The following NAALADL2 variants were observed in gnomAD, a reference collection of about 807,000 sequenced individuals.
NAALADL2 encodes the protein N-acetylated alpha-linked acidic dipeptidase like 2, also known as inactive N-acetylated-alpha-linked acidic dipeptidase-like protein 2.
A neutral mutation model predicts 87.2 loss-of-function variants in NAALADL2; 76 were observed. That is an observed-to-expected ratio of 0.87 (90% CI 0.72 to 1.05). NAALADL2 has a LOEUF of 1.05. Among genes scored for constraint, NAALADL2 ranks in the 50% least tolerant of loss-of-function variants. NAALADL2 has a pLI of 0.00. For missense variants in NAALADL2, 1,089 were observed against 945.8 expected, an observed-to-expected ratio of 1.15 and a Z score of -1.99; for synonymous variants, 354 against 331.0, an observed-to-expected ratio of 1.07 and a Z score of -0.75.
rs1473820311 is a variant in NAALADL2, at chr3:174,474,183, G to A, written c.-184+33151G>A. 2.6e-5 allele frequency among the ~76,000 whole-genome samples: 4 copies of A among 152,214 alleles called. No homozygotes were observed. The East Asian group carries it at 5.8e-4, about 22-fold the overall frequency. ...TAGCATCTCATCTTTTCACTATTCA[G>A]CTTAATGAAAATTACACATGCTCTC... On this transcript the variant is annotated intron_variant, in intron 1 of 3. Transcript: ENST00000434257.
At chr3:175,787,164 T>G (rs1217538120) in intron 13 of NAALADL2, among the ~76,000 whole-genome samples, 2 of 152,190 alleles carry the variant, frequency 1.3e-5, no homozygotes, top group Middle Eastern at 3.2e-3. Flanking sequence ...GCTGTCTTTT[T>G]GTTTGTCTGT....
At chr3:174,874,488 C>A (rs1176184965) in intron 1 of NAALADL2, among the ~76,000 whole-genome samples, 1 of 152,048 alleles carries the variant, frequency 6.6e-6, no homozygotes, top group East Asian at 1.9e-4. Context: ...TAAGGGCTGA[C>A]AAAACATGTG....
intron 1 of NAALADL2, among the ~76,000 whole-genome samples, chr3:174,896,009 A>T (rs1328292043): frequency 6.6e-6 from 1 of 152,092 alleles, no homozygotes; most frequent in African/African-American, 2.4e-5. Context: ...ATAAAAAAAA[A>T]TCTTAAAAAA....
rs911947043 is a variant in NAALADL2, at chr3:174,445,918, A to G, written c.-184+4886A>G. 9.9e-5 allele frequency among the ~76,000 whole-genome samples: 15 copies of G among 152,266 alleles called. No individual in the cohort carries two copies. In the South Asian group the frequency reaches 3.1e-3, roughly 32 times the overall value. On this transcript the variant is annotated intron_variant, in intron 1 of 3. Transcript: ENST00000434257. ...TGTTTGTTTTACCAAACAAAATTTG[A>G]TTCATTGCTTAATTTGTTTGCCAGT...
intron 11 of NAALADL2, among the ~76,000 whole-genome samples, chr3:175,691,028 T>C (rs1253325180): frequency 6.6e-6 from 1 of 151,688 alleles, no homozygotes; most frequent in African/African-American, 2.4e-5. Context: ...TTATTACTTG[T>C]AGTTGAATCA....
At chr3:175,372,036 C>T (rs1182979291) in intron 5 of NAALADL2, among the ~76,000 whole-genome samples, 2 of 152,066 alleles carry the variant, frequency 1.3e-5, no homozygotes, top group Non-Finnish European at 2.9e-5. Flanking sequence ...TATAATTACT[C>T]TAAAAAAAGT....
At chr3:175,187,090 G>A (rs969772824) in intron 2 of NAALADL2, among the ~76,000 whole-genome samples, 3 of 152,108 alleles carry the variant, frequency 2.0e-5, no homozygotes, top group African/African-American at 7.2e-5. Flanking sequence ...AATTGTCAAG[G>A]CCCTGATGAC....
At chr3:175,424,092 C>T (rs1474401682) in intron 5 of NAALADL2, among the ~76,000 whole-genome samples, 8 of 152,234 alleles carry the variant, frequency 5.3e-5, no homozygotes, top group South Asian at 2.1e-4. Context: ...TCATATCCTT[C>T]GCCCACTTGT....
chr3:175,402,892 C>T (rs530452663), intron 5 of NAALADL2, among the ~76,000 whole-genome samples: 1 of 152,236 alleles, frequency 6.6e-6, no homozygotes, highest in East Asian at 1.9e-4. Context: ...TGTGAGCTCT[C>T]TGAGAGAAGG....
rs1745420783 is a variant in NAALADL2, at chr3:175,234,022, C to T, written c.637C>T (p.Gln213Ter). The T allele has an allele frequency of 6.2e-7, 1 of 1,613,650 alleles. No homozygotes were observed. The highest frequency in any genetic ancestry group is 1.3e-5 in the African/African-American group (1 of 74,884). ...GACCTCTTTGGGCCTAGAAGATGTA[C>T]AGTTTGTAAATTACTCTGTGCTGCT... ...QWTSLGLEDVQFVNYSVLLDL... is the reference protein window; with the variant it reads ...QWTSLGLEDV Residue 213 changes from glutamine (Q) to a stop codon, truncating the protein, a stop_gained, in exon 3 of 14, where the codon CAG becomes TAG. Transcript: ENST00000454872. LOFTEE classifies it high-confidence loss of function.
At chr3:174,510,064 A>G (rs12635076) in intron 1 of NAALADL2, among the ~76,000 whole-genome samples, 41,275 of 151,780 alleles carry the variant, frequency 0.27, 6,010 homozygotes, top group South Asian at 0.37. Flanking sequence ...TTTTTGAATC[A>G]TAAGTCCATC....
chr3:174,981,220 C>T (rs1266975473), intron 1 of NAALADL2, among the ~76,000 whole-genome samples: 1 of 152,112 alleles, frequency 6.6e-6, no homozygotes, highest in Non-Finnish European at 1.5e-5. Context: ...TTTAAGTATA[C>T]TCATGAATCA....
At chr3:174,822,585 C>G (rs1236534773) in intron 3 of NAALADL2, among the ~76,000 whole-genome samples, 1 of 152,068 alleles carries the variant, frequency 6.6e-6, no homozygotes, top group African/African-American at 2.4e-5. Flanking sequence ...TAGAGAAAAT[C>G]AGCTCAGAAA....
At chr3:174,773,069 G>A (rs1040898551) in intron 3 of NAALADL2, among the ~76,000 whole-genome samples, 13 of 152,160 alleles carry the variant, frequency 8.5e-5, no homozygotes, top group Non-Finnish European at 4.4e-5. Flanking sequence ...TATGAAAGCT[G>A]TGTGTGCTGA....
chr3:174,910,816 G>A (rs1051075494), intron 1 of NAALADL2, among the ~76,000 whole-genome samples: 1 of 151,938 alleles, frequency 6.6e-6, no homozygotes, highest in African/African-American at 2.4e-5. Flanking sequence ...CTGAAATATG[G>A]GCCCCAAATT....
intron 2 of NAALADL2, among the ~76,000 whole-genome samples, chr3:174,587,537 T>C (rs938068640): frequency 1.3e-5 from 2 of 152,220 alleles, no homozygotes; most frequent in Non-Finnish European, 2.9e-5. Context: ...CCATGTTTAG[T>C]GCTTCCTTCA....
At chr3:175,460,876 A>G (rs181156982) in intron 6 of NAALADL2, among the ~76,000 whole-genome samples, 1 of 152,330 alleles carries the variant, frequency 6.6e-6, no homozygotes, top group East Asian at 1.9e-4. Context: ...GTAAAGAGCA[A>G]AAGAATAAAG....
intron 1 of NAALADL2, among the ~76,000 whole-genome samples, chr3:174,893,757 A>T (rs1731152746): frequency 6.6e-6 from 1 of 152,210 alleles, no homozygotes; most frequent in African/African-American, 2.4e-5. Flanking sequence ...AAATTATATC[A>T]CCAGGGAAAA....
At chr3:174,833,015 T>C (rs943073564) in intron 3 of NAALADL2, among the ~76,000 whole-genome samples, 2 of 152,192 alleles carry the variant, frequency 1.3e-5, no homozygotes, top group Non-Finnish European at 2.9e-5. Flanking sequence ...CTGTATTACT[T>C]CTGTATCTAC....
Sources: gnomAD v4.1 joint callset for allele counts (sites outside exome capture counted in the v4.1 genomes callset) on GRCh38, gnomAD v4.1.1 for gene constraint, MANE v1.5 for transcripts, NCBI Gene and HGNC (gene_info 2026-07-23, HGNC 2026-07-21) for gene names.